HIBCH: variants seen among roughly 807,000 people sequenced by gnomAD.
HIBCH encodes the protein 3-hydroxyisobutyryl-CoA hydrolase, mitochondrial.
A neutral mutation model predicts 58.2 loss-of-function variants in HIBCH; 50 were observed. The observed-to-expected ratio is 0.86, with a 90% CI of 0.68 to 1.09. The LOEUF is 1.09. HIBCH is among the 50% of genes least tolerant of loss of function. The pLI is 0.00. For missense variants in HIBCH, 450 were observed against 449.7 expected, an observed-to-expected ratio of 1.00 and a Z score of -0.01; for synonymous variants, 151 against 146.9, an observed-to-expected ratio of 1.03 and a Z score of -0.20.
At chr2:190,260,178 G>A (rs545389475) in intron 7 of HIBCH, among the ~76,000 whole-genome samples, 9 of 152,338 alleles carry the variant, frequency 5.9e-5, no homozygotes, top group Admixed American at 3.9e-4. Flanking sequence ...TTCCAGTAAA[G>A]TAGAATCGAA....
rs528159315 is a variant in HIBCH, at chr2:190,306,531, T to C, written c.78+4223A>G. On this transcript the variant is annotated intron_variant, in intron 2 of 13. Transcript: ENST00000359678. This position sits in a 1 kb window ranked among gnomAD's most constrained non-coding sequence, Gnocchi z 4.6. ...ATGACAGTTGTACTGTCATGCAATA[T>C]ACTGCATATGCAGGCACTCATATAG... 3.9e-5 allele frequency among the ~76,000 whole-genome samples: 6 copies of C among 152,282 alleles called. No homozygotes were observed. The highest frequency in any genetic ancestry group is 1.4e-4 in the African/African-American group (6 of 41,564).
chr2:190,311,982 C>T (rs1396646749), intron 1 of HIBCH, among the ~76,000 whole-genome samples: 2 of 152,128 alleles, frequency 1.3e-5, no homozygotes, highest in South Asian at 2.1e-4. Flanking sequence ...TGAACAAACA[C>T]GGAATGTTGG....
chr2:190,257,939 A>G (rs527768353), intron 7 of HIBCH, among the ~76,000 whole-genome samples: 13 of 152,344 alleles, frequency 8.5e-5, no homozygotes, highest in African/African-American at 2.2e-4. Flanking sequence ...CAGGCGACAC[A>G]TACAAAAAAG....
downstream of HIBCH, chr2:190,199,854 T>TCATAA (rs1241554572): frequency 1.2e-6 from 2 of 1,612,144 alleles, no homozygotes; most frequent in African/African-American, 1.3e-5. Flanking sequence ...AAACAGCTCT[T>TCATAA]CATAACATGG....
intron 6 of HIBCH, among the ~76,000 whole-genome samples, chr2:190,283,006 G>A (rs983228889): frequency 6.6e-6 from 1 of 152,184 alleles, no homozygotes; most frequent in Non-Finnish European, 1.5e-5. Context: ...TAATTGTAGT[G>A]TAAGTTGAGC....
chr2:190,274,936 A>C (rs999800264), intron 6 of HIBCH, among the ~76,000 whole-genome samples: 6 of 152,190 alleles, frequency 3.9e-5, no homozygotes, highest in African/African-American at 1.4e-4. Context: ...CTCTTACAAA[A>C]AGGTAACTTG....
intron 11 of HIBCH, among the ~76,000 whole-genome samples, chr2:190,222,070 T>C (rs902374003): frequency 6.6e-6 from 1 of 152,190 alleles, no homozygotes; most frequent in South Asian, 2.1e-4. Flanking sequence ...CATCAGCAGA[T>C]GGCAAAGCTA....
intron 6 of HIBCH, among the ~76,000 whole-genome samples, chr2:190,284,979 C>T (rs1177137028): frequency 2.0e-5 from 3 of 152,016 alleles, no homozygotes; most frequent in Admixed American, 6.6e-5. Flanking sequence ...TGTTGGGTTC[C>T]CAGTAACTTT....
intron 11 of HIBCH, among the ~76,000 whole-genome samples, chr2:190,233,474 C>T (rs1388298541): frequency 2.6e-5 from 4 of 152,190 alleles, no homozygotes; most frequent in Non-Finnish European, 4.4e-5. Flanking sequence ...AGTTTCCCTG[C>T]ACAAGCTCCC....
chr2:190,303,532 G>A (rs1050391964), intron 2 of HIBCH, among the ~76,000 whole-genome samples: 1 of 151,754 alleles, frequency 6.6e-6, no homozygotes, highest in Non-Finnish European at 1.5e-5. Context: ...CTGGAACAAT[G>A]AAGCAATCAA....
rs759271283 is a variant in HIBCH at position 190,319,675 on chromosome 2, C to G, written c.35+41G>C. 5.2e-6 allele frequency: 8 copies of G among 1,537,826 alleles called. No homozygotes were observed. The African/African-American group carries it at 1.1e-4, about 21-fold the overall frequency. On this transcript the variant is annotated intron_variant, in intron 1 of 13. Coordinates refer to ENST00000359678, the MANE Select transcript of HIBCH (RefSeq NM_014362.4). Reference sequence around the variant, plus strand: ...GCCCTTTTCCCACTGTGGCGAGTGCCGCTGAAGAGCCTGCCCTTGGCCCCT... The same window carrying G: ...GCCCTTTTCCCACTGTGGCGAGTGCGGCTGAAGAGCCTGCCCTTGGCCCCT...
At chr2:190,294,051 T>TATAC (rs1688040002) in intron 4 of HIBCH, among the ~76,000 whole-genome samples, 1 of 144,130 alleles carries the variant, frequency 6.9e-6, no homozygotes, top group African/African-American at 2.6e-5. Context: ...TATATATATA[T>TATAC]ATAGCAACAG....
intron 11 of HIBCH, among the ~76,000 whole-genome samples, chr2:190,226,332 A>C (rs970130682): frequency 2.6e-5 from 4 of 152,212 alleles, no homozygotes; most frequent in African/African-American, 9.6e-5. Context: ...GCGGTGGCTC[A>C]CGCCTGTAAT....
At chr2:190,232,949 C>T (rs1466650196) in intron 11 of HIBCH, among the ~76,000 whole-genome samples, 1 of 147,814 alleles carries the variant, frequency 6.8e-6, no homozygotes, top group Non-Finnish European at 1.5e-5. Flanking sequence ...CAGAGCAAGA[C>T]TCTATCTCAA....
intron 11 of HIBCH, among the ~76,000 whole-genome samples, chr2:190,218,958 C>T (rs182656086): frequency 5.9e-5 from 9 of 152,300 alleles, no homozygotes; most frequent in African/African-American, 1.7e-4. Flanking sequence ...ACATCCTAAA[C>T]GTTACTGGTA....
At chr2:190,240,192 A>G (rs537814897) in intron 11 of HIBCH, among the ~76,000 whole-genome samples, 2 of 152,240 alleles carry the variant, frequency 1.3e-5, no homozygotes, top group South Asian at 2.1e-4. Flanking sequence ...TTATTGGTCT[A>G]TTTAGGGATT....
intron 2 of HIBCH, among the ~76,000 whole-genome samples, chr2:190,303,803 T>TA (rs572123046): frequency 2.8e-3 from 420 of 152,242 alleles, no homozygotes; most frequent in African/African-American, 9.7e-3. Context: ...CACAAAAGGA[T>TA]AAAAGTTAGC....
downstream of HIBCH, chr2:190,201,303 T>C (rs1173691252): frequency 6.0e-6 from 1 of 166,922 alleles, no homozygotes; most frequent in Non-Finnish European, 1.5e-5. Flanking sequence ...GATTAAGTAC[T>C]GTTTGAAGAT....
intron 3 of HIBCH, among the ~76,000 whole-genome samples, chr2:190,295,096 T>TA (rs1454331909): frequency 1.3e-5 from 2 of 152,096 alleles, no homozygotes; most frequent in African/African-American, 4.8e-5. Context: ...ACTTATAATA[T>TA]AAAAAATCCA....
Sources: gnomAD v4.1 joint callset for allele counts (sites outside exome capture counted in the v4.1 genomes callset) on GRCh38, gnomAD v4.1.1 for gene constraint, Gnocchi (gnomAD v3.1) non-coding constraint, MANE v1.5 for transcripts, NCBI Gene and HGNC (gene_info 2026-07-23, HGNC 2026-07-21) for gene names.